EXT2: variants seen among roughly 807,000 people sequenced by gnomAD.
The protein encoded by EXT2 is exostosin-2.
A neutral mutation model predicts 81.6 loss-of-function variants in EXT2; 53 were observed. That is an observed-to-expected ratio of 0.65 (90% CI 0.52 to 0.82). EXT2 has a LOEUF of 0.82. Ranked by LOEUF, EXT2 falls within the 40% of genes least tolerant of loss-of-function variation. EXT2 has a pLI of 0.00. For missense variants in EXT2, 774 were observed against 910.2 expected (o/e 0.85, Z 1.93); for synonymous variants, 320 against 340.0 (o/e 0.94, Z 0.65).
intron 7 of EXT2, among the ~76,000 whole-genome samples, chr11:44,164,876 CT>C (rs372890914): frequency 1.9e-3 from 256 of 137,536 alleles, no homozygotes; most frequent in Middle Eastern, 0.016. Context: ...CTCATTCACA[CT>C]TTTTTTTTTT....
intron 10 of EXT2, among the ~76,000 whole-genome samples, chr11:44,225,459 T>C (rs1185632845): frequency 6.6e-6 from 1 of 152,154 alleles, no homozygotes; most frequent in Non-Finnish European, 1.5e-5. Flanking sequence ...TGAAGACTGA[T>C]GGGAGCAAAG....
At chr11:44,122,568 A>T (rs888340166) in intron 4 of EXT2, among the ~76,000 whole-genome samples, 1 of 152,240 alleles carries the variant, frequency 6.6e-6, no homozygotes, top group African/African-American at 2.4e-5. Context: ...GTGTCTAGAA[A>T]GAATACTTTT....
intron 8 of EXT2, among the ~76,000 whole-genome samples, chr11:44,175,677 C>T (rs562401930): frequency 2.6e-4 from 40 of 152,276 alleles, no homozygotes; most frequent in Non-Finnish European, 5.6e-4. Context: ...AGTAGAATTT[C>T]CTGTAAAGTT....
chr11:44,235,250 T>TTTTTTTG (rs869304268), intron 12 of EXT2, among the ~76,000 whole-genome samples: 5 of 121,914 alleles, frequency 4.1e-5, no homozygotes, highest in East Asian at 2.4e-4. Context: ...TTTTTTTTTT[T>TTTTTTTG]GGTGAGACTG....
intron 7 of EXT2, among the ~76,000 whole-genome samples, chr11:44,140,826 T>G (rs916813488): frequency 2.0e-5 from 3 of 152,328 alleles, no homozygotes; most frequent in African/African-American, 7.2e-5. Context: ...ATACAGCTTT[T>G]TGGCACAAAC....
At chr11:44,239,689 CTTTTTTTTTTTTT>C (rs397849292) in intron 13 of EXT2, among the ~76,000 whole-genome samples, 3 of 85,340 alleles carry the variant, frequency 3.5e-5, no homozygotes, top group East Asian at 5.1e-4. Context: ...CCCTGCCTGG[CTTTTTTTTTTTTT>C]TTTTTTTTTT....
intron 9 of EXT2, among the ~76,000 whole-genome samples, chr11:44,199,884 A>G (rs1955502031): frequency 6.6e-6 from 1 of 152,148 alleles, no homozygotes; most frequent in Admixed American, 6.5e-5. Context: ...TTATTTTTAA[A>G]AGATTTTGAC....
intron 8 of EXT2, among the ~76,000 whole-genome samples, chr11:44,180,757 T>G (rs1358293137): frequency 6.6e-6 from 1 of 152,204 alleles, no homozygotes; most frequent in Non-Finnish European, 1.5e-5. Context: ...TTCCAAAAGC[T>G]TCTTAAGAAA....
chr11:44,124,258 G>A (rs1954361928), intron 4 of EXT2, among the ~76,000 whole-genome samples: 1 of 152,072 alleles, frequency 6.6e-6, no homozygotes, highest in Non-Finnish European at 1.5e-5. Flanking sequence ...ATTGCACAGG[G>A]ATGCTGTTAG....
chr11:44,233,773 G>T (rs1188623440), intron 11 of EXT2, among the ~76,000 whole-genome samples: 1 of 151,962 alleles, frequency 6.6e-6, no homozygotes, highest in Admixed American at 6.6e-5. Context: ...AAAAACTAAG[G>T]TTTACAATTC....
intron 9 of EXT2, among the ~76,000 whole-genome samples, chr11:44,203,523 G>T (rs770397422): frequency 8.5e-5 from 13 of 152,142 alleles, no homozygotes; most frequent in Non-Finnish European, 1.6e-4. Flanking sequence ...ACTGGCTAGG[G>T]CTTTAGTGGA....
At chr11:44,128,943 C>T (rs544088231) in intron 6 of EXT2, among the ~76,000 whole-genome samples, 4 of 152,324 alleles carry the variant, frequency 2.6e-5, no homozygotes, top group Admixed American at 1.3e-4. Context: ...ACTTTCCGTC[C>T]TAATGGACTA....
Position 44,234,174 on chromosome 11 carries a change from T to C in EXT2, c.1866T>C (p.Ala622=), listed in dbSNP as rs370905918. ...MPGDIKNWVD[A]HMNCEDIAMN... is the part of the protein sequence containing the mutation. ...GGGATATCAAGAACTGGGTAGATGCTCATATGAACTGTGAAGATATTGCCA... is the reference window on the plus strand; with the variant it reads ...GGGATATCAAGAACTGGGTAGATGCCCATATGAACTGTGAAGATATTGCCA... The change falls in exon 12 of 14, where the codon GCT becomes GCC. Residue 622 remains alanine, a synonymous_variant. Transcript: ENST00000533608. 4 of 1,614,072 alleles carry C rather than the reference T, an allele frequency of 2.5e-6. No homozygotes were observed. The highest frequency in any genetic ancestry group is 2.7e-5 in the African/African-American group (2 of 74,942).
At chr11:44,151,594 G>A (rs529717886) in intron 7 of EXT2, among the ~76,000 whole-genome samples, 2 of 152,118 alleles carry the variant, frequency 1.3e-5, no homozygotes, top group South Asian at 4.2e-4. Flanking sequence ...TCCATTGTCT[G>A]GATGTACCAC....
At chr11:44,134,395 C>T (rs7951082) in intron 7 of EXT2, among the ~76,000 whole-genome samples, 14,939 of 151,956 alleles carry the variant, frequency 0.098, 732 homozygotes, top group Middle Eastern at 0.16. Context: ...AAGATGATGC[C>T]GATATTTCTA....
At chr11:44,102,472 T>C (rs1047168722) in intron 1 of EXT2, among the ~76,000 whole-genome samples, 22 of 151,936 alleles carry the variant, frequency 1.4e-4, no homozygotes, top group Admixed American at 1.3e-3. Context: ...CACTGTGGCT[T>C]TCTGAGATCA....
intron 7 of EXT2, among the ~76,000 whole-genome samples, chr11:44,157,265 C>T (rs1954867510): frequency 6.6e-6 from 1 of 152,154 alleles, no homozygotes; most frequent in Non-Finnish European, 1.5e-5. Context: ...GCTCCAGGGG[C>T]TCTTCAGTCA....
chr11:44,165,129 C>T (rs190483356), intron 7 of EXT2, among the ~76,000 whole-genome samples: 1,678 of 152,256 alleles, frequency 0.011, 26 homozygotes, highest in African/African-American at 0.036. Context: ...CCGCCCGCCT[C>T]GGCCTCCCAA....
intron 7 of EXT2, among the ~76,000 whole-genome samples, chr11:44,166,447 T>C (rs1230475275): frequency 1.3e-5 from 2 of 152,244 alleles, no homozygotes; most frequent in Admixed American, 6.5e-5. Flanking sequence ...GATGACCAAC[T>C]TCTGGACAAC....
Sources: gnomAD v4.1 joint callset for allele counts (sites outside exome capture counted in the v4.1 genomes callset) on GRCh38, gnomAD v4.1.1 for gene constraint, MANE v1.5 for transcripts, NCBI Gene and HGNC (gene_info 2026-07-23, HGNC 2026-07-21) for gene names.